SMYD2: variants seen among roughly 807,000 people sequenced by gnomAD.
SMYD2 encodes the protein N-lysine methyltransferase SMYD2.
Under a neutral mutation model 59.1 loss-of-function variants are expected in SMYD2, and 53 were observed. The ratio of observed to expected loss-of-function variants is 0.90; its 90% CI spans 0.72 to 1.13. The LOEUF (loss-of-function observed/expected upper bound fraction) is 1.13. Among genes scored for constraint, SMYD2 ranks in the 50% most tolerant of loss-of-function variants. The pLI, the probability that SMYD2 is intolerant of heterozygous loss-of-function variation, is 0.00. For synonymous variants in SMYD2, 208 were observed against 198.8 expected (o/e 1.05, Z -0.39); for missense variants, 494 against 544.7 (o/e 0.91, Z 0.93).
At chr1:214,294,145 G>A (rs79612787) in intron 1 of SMYD2, among the ~76,000 whole-genome samples, 5 of 152,048 alleles carry the variant, frequency 3.3e-5, no homozygotes, top group East Asian at 1.9e-4. Context: ...AATGTTCTCC[G>A]TTCAGAGAAA....
rs1349643018 is a variant in SMYD2, at chr1:214,281,166, C to A, written c.-89C>A. ...GTCCGCCGGGCGGCTCCCACCCCGCCCCCCGCAGCTCTAGGTGACGCGTCT... is the reference window on the plus strand; with the variant it reads ...GTCCGCCGGGCGGCTCCCACCCCGCACCCCGCAGCTCTAGGTGACGCGTCT... On this transcript the variant is annotated 5_prime_UTR_variant, in exon 1 of 12. Transcript: ENST00000366957. 1.9e-5 allele frequency: 19 copies of A among 1,024,560 alleles called. No homozygotes were observed. The highest frequency in any genetic ancestry group is 2.2e-5 in the Non-Finnish European group (18 of 807,946). The allele number at this position is 1,024,560 out of a possible 1,614,324, so 63.5% of individuals were successfully genotyped here. A position where few individuals can be genotyped will look rare whatever the true frequency, so the allele number is the denominator to read the frequency against.
At chr1:214,328,247 G>A (rs370566534) in intron 7 of SMYD2, among the ~76,000 whole-genome samples, 2 of 152,154 alleles carry the variant, frequency 1.3e-5, no homozygotes, top group South Asian at 4.1e-4. Flanking sequence ...TCAGAATTTC[G>A]TGTTCTATCA....
At chr1:214,286,037 A>C (rs1441364828) in intron 1 of SMYD2, among the ~76,000 whole-genome samples, 2 of 152,246 alleles carry the variant, frequency 1.3e-5, no homozygotes. Context: ...TTGTTAGTGC[A>C]TGACCTTATT....
At chr1:214,281,501 G>C (rs1311796777) in intron 1 of SMYD2, 74 bp downstream of exon 1, 2 of 1,095,294 alleles carry the variant, frequency 1.8e-6, no homozygotes, top group Middle Eastern at 4.0e-4. Flanking sequence ...GCGGCGCCAG[G>C]AAGTGCGTGC....
intron 5 of SMYD2, among the ~76,000 whole-genome samples, chr1:214,323,450 G>C (rs1407262019): frequency 6.6e-6 from 1 of 151,300 alleles, no homozygotes; most frequent in Non-Finnish European, 1.5e-5. Flanking sequence ...CTTTTTTTTT[G>C]AGATGGAGTC....
intron 2 of SMYD2, among the ~76,000 whole-genome samples, chr1:214,308,557 A>C (rs1462876207): frequency 1.3e-5 from 2 of 152,198 alleles, no homozygotes; most frequent in Non-Finnish European, 2.9e-5. Flanking sequence ...AACGTGGCAC[A>C]AAACAAGAGC....
intron 1 of SMYD2, among the ~76,000 whole-genome samples, chr1:214,289,548 G>A (rs1275409349): frequency 6.6e-6 from 1 of 152,130 alleles, no homozygotes; most frequent in African/African-American, 2.4e-5. Context: ...GTATATGCAA[G>A]GCAAATTTGA....
Position 214,332,123 on chromosome 1 carries a change from G to T in SMYD2, c.1043G>T (p.Gly348Val), listed in dbSNP as rs1657365543. ...YMLHMMYQAM[G>V]VCLYMQDWEG... ...TTGCACATGATGTACCAGGCCATGG[G>T]TGTCTGCTTGTACATGCAGGACTGG... Residue 348 changes from glycine (G) to valine (V), a missense_variant, in exon 10 of 12, where the codon GGT becomes GTT. Transcript: ENST00000366957. 6.2e-7 allele frequency: 1 copy of T among 1,614,072 alleles called. No individual in the cohort carries two copies. The highest frequency in any genetic ancestry group is 2.2e-5 in the East Asian group (1 of 44,882).
At chr1:214,296,800 A>C (rs1656737107) in intron 1 of SMYD2, among the ~76,000 whole-genome samples, 1 of 152,056 alleles carries the variant, frequency 6.6e-6, no homozygotes, top group African/African-American at 2.4e-5. Context: ...GGAAGTGGGA[A>C]GAGTAACTCA....
intron 1 of SMYD2, among the ~76,000 whole-genome samples, chr1:214,304,901 C>T (rs1656892863): frequency 6.6e-6 from 1 of 152,046 alleles, no homozygotes; most frequent in Non-Finnish European, 1.5e-5. Flanking sequence ...GTGTCTTTGG[C>T]CAGGTCACCA....
At chr1:214,319,253 G>A (rs12059328) in intron 5 of SMYD2, among the ~76,000 whole-genome samples, 19,148 of 152,154 alleles carry the variant, frequency 0.13, 1,477 homozygotes, top group East Asian at 0.26. Flanking sequence ...AAACAAAGGA[G>A]TTGTCAGTGC....
chr1:214,330,120 T>C (rs1489894905), intron 7 of SMYD2, 48 bp from the exon 8 acceptor site: 1 of 1,297,072 alleles, frequency 7.7e-7, no homozygotes, highest in Admixed American at 1.9e-5. Context: ...TGACAAGGAT[T>C]GAGTTTACCT....
chr1:214,328,434 CCT>C (rs1265912185), intron 7 of SMYD2, among the ~76,000 whole-genome samples: 1 of 150,140 alleles, frequency 6.7e-6, no homozygotes. Context: ...TCAGCGATTC[CCT>C]GTTCCCTTCC....
At chr1:214,310,503 ATT>A (rs10699247) in intron 2 of SMYD2, among the ~76,000 whole-genome samples, 8 of 136,392 alleles carry the variant, frequency 5.9e-5, no homozygotes, top group Admixed American at 7.5e-5. Flanking sequence ...TATTTTATTA[ATT>A]TTTTTTTTTT....
intron 6 of SMYD2, among the ~76,000 whole-genome samples, chr1:214,325,933 A>G (rs1657253466): frequency 1.3e-5 from 2 of 152,010 alleles, no homozygotes; most frequent in Non-Finnish European, 2.9e-5. Flanking sequence ...TAAAAGATTA[A>G]GAGTAAGGTG....
intron 1 of SMYD2, among the ~76,000 whole-genome samples, chr1:214,302,901 A>G (rs188863212): frequency 6.6e-6 from 1 of 151,948 alleles, no homozygotes; most frequent in Admixed American, 6.6e-5. Flanking sequence ...AACCATGATA[A>G]TTTTCTAATC....
chr1:214,330,835 C>T (rs1180966387), intron 8 of SMYD2, 115 bp from the exon 9 acceptor site: 2 of 1,469,288 alleles, frequency 1.4e-6, no homozygotes, highest in Non-Finnish European at 1.8e-6. Context: ...CTTTTGTAAC[C>T]TTGGAATGGG....
intron 2 of SMYD2, among the ~76,000 whole-genome samples, chr1:214,308,840 G>T (rs1027063362): frequency 2.0e-5 from 3 of 152,200 alleles, no homozygotes; most frequent in Non-Finnish European, 4.4e-5. Context: ...CACTACTTGG[G>T]GAGGGCTTTC....
intron 5 of SMYD2, among the ~76,000 whole-genome samples, chr1:214,323,655 G>A (rs554027892): frequency 6.6e-6 from 1 of 152,310 alleles, no homozygotes; most frequent in Admixed American, 6.5e-5. Flanking sequence ...TGGCCAGACT[G>A]GTCTTGAACT....
Sources: gnomAD v4.1 joint callset for allele counts (sites outside exome capture counted in the v4.1 genomes callset) on GRCh38, gnomAD v4.1.1 for gene constraint, MANE v1.5 for transcripts, NCBI Gene and HGNC (gene_info 2026-07-23, HGNC 2026-07-21) for gene names.